Variants in KCND2 observed in about 807,000 individuals in gnomAD.
KCND2 encodes the protein potassium voltage-gated channel subfamily D member 2.
KCND2 carries 16 observed loss-of-function variants against 54.4 expected under a neutral mutation model. The ratio of observed to expected loss-of-function variants is 0.29; its 90% CI spans 0.20 to 0.45. The LOEUF (loss-of-function observed/expected upper bound fraction) is 0.45, where lower values mean the gene tolerates loss of function less well. Ranked by LOEUF, KCND2 falls within the 20% of genes least tolerant of loss-of-function variation. The probability of loss-of-function intolerance (pLI) is 1.00; values close to 1 mark genes in which losing one functional copy is unlikely to be tolerated. For missense variants in KCND2, 486 were observed against 824.2 expected (o/e 0.59, Z 5.02); for synonymous variants, 317 against 310.7 (o/e 1.02, Z -0.21).
intron 1 of KCND2, among the ~76,000 whole-genome samples, chr7:120,574,309 C>T (rs1450551654): frequency 6.6e-6 from 1 of 152,062 alleles, no homozygotes; most frequent in East Asian, 1.9e-4. Flanking sequence ...TTTGACCATG[C>T]AATGAACAGA....
chr7:120,677,251 T>C (rs927425451), intron 1 of KCND2, among the ~76,000 whole-genome samples: 2 of 152,098 alleles, frequency 1.3e-5, no homozygotes, highest in Non-Finnish European at 2.9e-5. Flanking sequence ...TGTGAATAAA[T>C]GGAAATGCAA....
chr7:120,554,103 A>G (rs995600389), intron 1 of KCND2, among the ~76,000 whole-genome samples: 2 of 152,334 alleles, frequency 1.3e-5, no homozygotes, highest in South Asian at 2.1e-4. Context: ...TGACCTGGAG[A>G]TGATTCAAAG....
At chr7:120,611,834 G>A (rs540872675) in intron 1 of KCND2, among the ~76,000 whole-genome samples, 5 of 152,206 alleles carry the variant, frequency 3.3e-5, no homozygotes, top group Admixed American at 2.6e-4. Context: ...GCTTCTCTAC[G>A]AAAACCACTA....
intron 1 of KCND2, among the ~76,000 whole-genome samples, chr7:120,641,147 T>C (rs1793365814): frequency 6.6e-6 from 1 of 152,184 alleles, no homozygotes; most frequent in Non-Finnish European, 1.5e-5. Context: ...ATATAAGTCC[T>C]CAAAGTTTCA....
chr7:120,529,189 C>T (rs966044260), intron 1 of KCND2, among the ~76,000 whole-genome samples: 5 of 152,146 alleles, frequency 3.3e-5, no homozygotes, highest in African/African-American at 4.8e-5. Flanking sequence ...TTGCCTACCC[C>T]TCTTGAGGTT....
intron 1 of KCND2, among the ~76,000 whole-genome samples, chr7:120,342,350 T>G (rs1800252552): frequency 2.0e-5 from 3 of 152,210 alleles, no homozygotes; most frequent in Admixed American, 2.0e-4. Context: ...TGAATGCTAG[T>G]TCTCTCTCAC....
chr7:120,645,732 C>G (rs1360185122), intron 1 of KCND2, among the ~76,000 whole-genome samples: 3 of 152,230 alleles, frequency 2.0e-5, no homozygotes, highest in African/African-American at 7.2e-5. Flanking sequence ...AAGTGGCATA[C>G]TAATATTGGA....
intron 1 of KCND2, among the ~76,000 whole-genome samples, chr7:120,567,543 G>C (rs1025429857): frequency 5.3e-5 from 8 of 152,060 alleles, no homozygotes; most frequent in African/African-American, 1.9e-4. Flanking sequence ...CAGAATTTTA[G>C]CTACCAAGGT....
At chr7:120,273,053 G>T (rs971766440), upstream of KCND2, among the ~76,000 whole-genome samples, 1 of 152,014 alleles carries the variant, frequency 6.6e-6, no homozygotes, top group Non-Finnish European at 1.5e-5. Flanking sequence ...GATCCACCTG[G>T]ATGCTCTCCC....
chr7:120,747,432 T>A (rs931601901), intron 5 of KCND2, among the ~76,000 whole-genome samples: 1 of 152,142 alleles, frequency 6.6e-6, no homozygotes, highest in Non-Finnish European at 1.5e-5. Flanking sequence ...TACATTTTTT[T>A]ATAATACATT....
chr7:120,742,619 ACT>A lies in KCND2; in HGVS notation c.1467+18_1467+19del. ...AAAACCACGGTAAGGAGACAGCATG[ACT>A]GCCTTCCCTTGCTCTCTGACAGTAA... On this transcript the variant is annotated intron_variant, in intron 4 of 5. Transcript: ENST00000331113. 2 of 1,587,410 alleles carry A rather than the reference ACT, an allele frequency of 1.3e-6. No homozygotes were observed. The highest frequency in any genetic ancestry group is 4.5e-5 in the East Asian group (2 of 44,694).
chr7:120,638,816 A>G (rs1460589951), intron 1 of KCND2, among the ~76,000 whole-genome samples: 5 of 152,124 alleles, frequency 3.3e-5, no homozygotes, highest in African/African-American at 7.2e-5. Context: ...AATGTAAAAG[A>G]CTATTAAAAG....
chr7:120,480,421 A>C (rs1178929049), intron 1 of KCND2, among the ~76,000 whole-genome samples: 1 of 152,192 alleles, frequency 6.6e-6, no homozygotes, highest in Non-Finnish European at 1.5e-5. Context: ...TAAACTGATG[A>C]GATTACCATG....
At chr7:120,473,610 A>AT (rs1802491338) in intron 1 of KCND2, among the ~76,000 whole-genome samples, 1 of 152,176 alleles carries the variant, frequency 6.6e-6, no homozygotes, top group Non-Finnish European at 1.5e-5. Context: ...CAGCGATGTA[A>AT]TTTTTTTGTG....
chr7:120,719,304 T>TTATGA (rs1186755996), intron 1 of KCND2, among the ~76,000 whole-genome samples: 1 of 152,192 alleles, frequency 6.6e-6, no homozygotes, highest in African/African-American at 2.4e-5. Flanking sequence ...TTTCTCATAA[T>TTATGA]GAAATTCAAC....
chr7:120,440,549 A>G (rs1029152961), intron 1 of KCND2, among the ~76,000 whole-genome samples: 3 of 152,042 alleles, frequency 2.0e-5, no homozygotes, highest in Admixed American at 6.6e-5. Flanking sequence ...GGTCTTATCC[A>G]AAGAATCTTT....
intron 1 of KCND2, among the ~76,000 whole-genome samples, chr7:120,497,239 T>C (rs945196670): frequency 6.6e-6 from 1 of 152,218 alleles, no homozygotes; most frequent in African/African-American, 2.4e-5. Context: ...AATTGCATTA[T>C]TATTGGCTGT....
chr7:120,358,279 G>A (rs902412478), intron 1 of KCND2, among the ~76,000 whole-genome samples: 1 of 152,124 alleles, frequency 6.6e-6, no homozygotes, highest in Non-Finnish European at 1.5e-5. Context: ...TCATTAGGAT[G>A]CTCCTTGTGG....
At chr7:120,296,758 G>C (rs1219378675) in intron 1 of KCND2, among the ~76,000 whole-genome samples, 3 of 151,990 alleles carry the variant, frequency 2.0e-5, no homozygotes, top group South Asian at 4.1e-4. Context: ...ATAGTCATTG[G>C]ATATGTTGGC....
Sources: allele counts gnomAD v4.1 joint callset (sites outside exome capture counted in the v4.1 genomes callset), GRCh38; gene constraint gnomAD v4.1.1; transcripts MANE v1.5; gene names NCBI Gene and HGNC (gene_info 2026-07-23, HGNC 2026-07-21).